Variants in TENM3 observed in about 807,000 individuals in gnomAD.
TENM3 encodes the protein teneurin transmembrane protein 3.
Under a neutral mutation model 255.1 loss-of-function variants are expected in TENM3, and 63 were observed. The observed-to-expected ratio is 0.25, with a 90% CI of 0.20 to 0.30. The LOEUF (loss-of-function observed/expected upper bound fraction) is 0.30. TENM3 is among the 10% of genes least tolerant of loss of function. TENM3 has a pLI of 1.00. For synonymous variants in TENM3, 1,306 were observed against 1,322.3 expected (o/e 0.99, Z 0.27); for missense variants, 2,929 against 3,461.1 (o/e 0.85, Z 3.86).
chr4:182,316,360 T>TC (rs1762749728), intron 1 of TENM3, among the ~76,000 whole-genome samples: 1 of 149,912 alleles, frequency 6.7e-6, no homozygotes, highest in Admixed American at 6.7e-5. Context: ...AAGTATGAAT[T>TC]TTTTTTTTTT....
chr4:182,194,235 G>A (rs1194254955), intron 1 of TENM3, among the ~76,000 whole-genome samples: 2 of 151,888 alleles, frequency 1.3e-5, no homozygotes, highest in South Asian at 2.1e-4. Flanking sequence ...CTTGATCCGA[G>A]CTGCTTTTTG....
chr4:181,835,963 A>G, the TENM3 span, among the ~76,000 whole-genome samples: 2 of 152,114 alleles, frequency 1.3e-5, no homozygotes, highest in Non-Finnish European at 2.9e-5. Context: ...GACCTTGGTA[A>G]CTACGTTTGC....
chr4:182,138,717 T>C, the TENM3 span, among the ~76,000 whole-genome samples: 1 of 152,230 alleles, frequency 6.6e-6, no homozygotes, highest in Non-Finnish European at 1.5e-5. Context: ...TATAGGTGCT[T>C]GCTACAATTT....
At chr4:181,598,584 T>C in the TENM3 span, among the ~76,000 whole-genome samples, 1 of 152,054 alleles carries the variant, frequency 6.6e-6, no homozygotes, top group Non-Finnish European at 1.5e-5. Flanking sequence ...GGTAAACATC[T>C]GAAACTGAGG....
At chr4:181,565,527 G>A in the TENM3 span, among the ~76,000 whole-genome samples, 6 of 152,274 alleles carry the variant, frequency 3.9e-5, no homozygotes, top group East Asian at 1.9e-4. Context: ...GTGCAATGGC[G>A]AAGTATGTGC....
chr4:181,597,541 A>G, the TENM3 span, among the ~76,000 whole-genome samples: 1 of 152,150 alleles, frequency 6.6e-6, no homozygotes, highest in Non-Finnish European at 1.5e-5. Flanking sequence ...ATCTAAGGCT[A>G]TATTTTAATC....
At chr4:181,566,660 C>T in the TENM3 span, among the ~76,000 whole-genome samples, 1 of 152,116 alleles carries the variant, frequency 6.6e-6, no homozygotes. Flanking sequence ...TTACACAGGC[C>T]CGTCTGGTTT....
chr4:182,245,276 C>T (rs924338926), intron 1 of TENM3, among the ~76,000 whole-genome samples: 9 of 152,152 alleles, frequency 5.9e-5, no homozygotes, highest in African/African-American at 1.9e-4. Flanking sequence ...GAGAGTGGCT[C>T]CAGCAACTTT....
the TENM3 span, among the ~76,000 whole-genome samples, chr4:181,879,320 A>G: frequency 6.6e-6 from 1 of 152,138 alleles, no homozygotes; most frequent in Non-Finnish European, 1.5e-5. Context: ...GGGAGGAAGG[A>G]AGGAAGATGG....
At chr4:182,327,102 AG>A (rs1364402583) in intron 2 of TENM3, among the ~76,000 whole-genome samples, 42 of 152,244 alleles carry the variant, frequency 2.8e-4, no homozygotes, top group Admixed American at 2.5e-3. Flanking sequence ...AAGCATAATG[AG>A]AAATCCTTCC....
chr4:182,623,627 G>A (rs1414973474), intron 4 of TENM3, among the ~76,000 whole-genome samples: 1 of 152,082 alleles, frequency 6.6e-6, no homozygotes, highest in Admixed American at 6.6e-5. Flanking sequence ...ACCGCACCCG[G>A]CCTGTTTTAT....
intron 3 of TENM3, among the ~76,000 whole-genome samples, chr4:182,473,987 A>G (rs1733417499): frequency 6.6e-6 from 1 of 152,142 alleles, no homozygotes; most frequent in African/African-American, 2.4e-5. Context: ...AAATAAATAA[A>G]ATTGTATTGG....
At chr4:182,390,742 T>G (rs777996210) in intron 3 of TENM3, among the ~76,000 whole-genome samples, 1 of 152,190 alleles carries the variant, frequency 6.6e-6, no homozygotes, top group Non-Finnish European at 1.5e-5. Context: ...AGTTTATAGA[T>G]CATCTCAAAA....
the TENM3 span, among the ~76,000 whole-genome samples, chr4:181,854,583 C>T: frequency 6.6e-6 from 1 of 152,092 alleles, no homozygotes. Context: ...CCATAATAGA[C>T]GTTTATGTCT....
intron 1 of TENM3, among the ~76,000 whole-genome samples, chr4:182,162,470 G>A (rs1751417474): frequency 6.6e-6 from 1 of 152,092 alleles, no homozygotes; most frequent in Non-Finnish European, 1.5e-5. Flanking sequence ...CTGTGCACTC[G>A]GAACTCAAGG....
the TENM3 span, among the ~76,000 whole-genome samples, chr4:181,674,953 A>C: frequency 2.0e-5 from 3 of 152,110 alleles, no homozygotes; most frequent in Admixed American, 1.3e-4. Context: ...TACCCTTAGC[A>C]CTGTCCCATA....
intron 1 of TENM3, among the ~76,000 whole-genome samples, chr4:182,305,849 G>A (rs1159121615): frequency 7.9e-5 from 12 of 152,206 alleles, no homozygotes; most frequent in Admixed American, 5.2e-4. Flanking sequence ...GGAGGAAGTC[G>A]TTGCTATCCT....
chr4:181,481,223 CA>C, the TENM3 span, among the ~76,000 whole-genome samples: 6 of 151,808 alleles, frequency 4.0e-5, no homozygotes, highest in African/African-American at 1.5e-4. Context: ...GTAACACATT[CA>C]CAGAATACAC....
the TENM3 span, among the ~76,000 whole-genome samples, chr4:181,895,468 C>T: frequency 1.3e-5 from 2 of 151,300 alleles, no homozygotes; most frequent in African/African-American, 2.4e-5. Context: ...AGTACACACT[C>T]GCGCTCCCAG....
Sources: allele counts gnomAD v4.1 joint callset (sites outside exome capture counted in the v4.1 genomes callset), GRCh38; gene constraint gnomAD v4.1.1; transcripts MANE v1.5; gene names NCBI Gene and HGNC (gene_info 2026-07-23, HGNC 2026-07-21).